Variants in SERPINF2 observed in about 807,000 individuals in gnomAD.
SERPINF2 encodes alpha-2-antiplasmin.
Under a neutral mutation model 45.0 loss-of-function variants are expected in SERPINF2, and 15 were observed. The ratio of observed to expected loss-of-function variants is 0.33; its 90% confidence interval spans 0.22 to 0.51. SERPINF2 has a LOEUF of 0.51. SERPINF2 is among the 20% of genes least tolerant of loss of function. The pLI, the probability that SERPINF2 is intolerant of heterozygous loss-of-function variation, is 0.97. For missense variants in SERPINF2, 518 were observed against 637.4 expected (o/e 0.81, Z 2.02); for synonymous variants, 283 against 277.9 (o/e 1.02, Z -0.18).
chr17:1,748,299 G>A (rs1450880944), intron 7 of SERPINF2, among the ~76,000 whole-genome samples: 2 of 112,244 alleles, frequency 1.8e-5, no homozygotes, highest in Admixed American at 8.9e-5. Flanking sequence ...GCGAGACTCC[G>A]TCTAAAAAAA....
chr17:1,743,090 C>T lies in SERPINF2; in HGVS notation c.-5+182C>T, dbSNP rs1905438696. On this transcript the variant is annotated intron_variant, in intron 1 of 9. Transcript: ENST00000453066. ...TCTAATGCCCAGGTCGGAGTCGGGG[C>T]CCTGGCCAAGGGCTCTTGTGTGGGA... 4 of 985,274 alleles carry T rather than the reference C, an allele frequency of 4.1e-6. No homozygotes were observed. The South Asian group carries it at 1.9e-4, about 46-fold the overall frequency. 61.0% of individuals were successfully genotyped at this position (985,274 alleles called of 1,614,324 possible). A position where few individuals can be genotyped will look rare whatever the true frequency, so the allele number is the denominator to read the frequency against.
chr17:1,745,798 A>G lies in SERPINF2; in HGVS notation c.256A>G (p.Met86Val). ...PEQTHRLARA[M>V]MAFTADLFSL... ...GCAGACCCACAGGCTGGCCCGGGCC[A>G]TGATGGCCTTCACTGCCGACCTGTT... The change falls in exon 5 of 10, where the codon ATG becomes GTG. Residue 86 changes from methionine (M) to valine (V), a missense_variant. By Grantham distance (21) the Met-to-Val change is conservative. Coordinates refer to ENST00000453066, the MANE Select transcript of SERPINF2 (RefSeq NM_000934.4). This position sits in a 1 kb window ranked among gnomAD's most constrained non-coding sequence, Gnocchi z 6.2. 1.9e-6 allele frequency: 3 copies of G among 1,613,996 alleles called. No individual in the cohort carries two copies. The highest frequency in any genetic ancestry group is 1.7e-5 in the Admixed American group (1 of 60,022).
intron 5 of SERPINF2, among the ~76,000 whole-genome samples, chr17:1,746,162 A>T (rs1308994501): frequency 6.6e-6 from 1 of 152,018 alleles, no homozygotes; most frequent in Non-Finnish European, 1.5e-5. Context: ...CTAAAAATAC[A>T]AAAAATTTAG....
chr17:1,744,528 T>G, intron 1 of SERPINF2: 1 of 983,848 alleles, frequency 1.0e-6, no homozygotes, highest in Non-Finnish European at 1.2e-6. Context: ...AAAAAGACGG[T>G]CTTATTTTGG....
At position 1,754,605 on chromosome 17, in the gene SERPINF2, G is replaced by A. The variant is rs1057355; in HGVS notation, c.*71G>A. ...TCCACTCATGTGACTCTTTCCAACC[G>A]GCTTTGTGGCACTGGGGCAGGGGCC... is the stretch of plus-strand genomic sequence containing the variant. On this transcript the variant is annotated 3_prime_UTR_variant, in exon 10 of 10. Transcript: ENST00000453066. The A allele has an allele frequency of 3.2e-6, 5 of 1,556,128 alleles. No homozygotes were observed. The Admixed American group carries it at 5.7e-5, about 18-fold the overall frequency.
At chr17:1,749,244 T>C (rs1334007450) in intron 8 of SERPINF2, among the ~76,000 whole-genome samples, 1 of 152,040 alleles carries the variant, frequency 6.6e-6, no homozygotes, top group Non-Finnish European at 1.5e-5. Flanking sequence ...TGGCCAAGAT[T>C]TGAAACCCCG....
chr17:1,743,322 G>A (rs1424268945), intron 1 of SERPINF2, among the ~76,000 whole-genome samples: 1 of 152,220 alleles, frequency 6.6e-6, no homozygotes, highest in African/African-American at 2.4e-5. Flanking sequence ...TCTGCTGCTG[G>A]GTCAAAAGGC....
Position 1,748,622 on chromosome 17 carries a change from C to G in SERPINF2, c.740C>G (p.Pro247Arg). The G allele has an allele frequency of 6.2e-7, 1 of 1,614,024 alleles. No homozygotes were observed. The highest frequency in any genetic ancestry group is 8.5e-7 in the Non-Finnish European group (1 of 1,180,056). The change falls in exon 8 of 10, where the codon CCG (proline) becomes CGG (arginine). Residue 247 changes from proline to arginine, a missense_variant. Pro to Arg is a moderately radical substitution (Grantham distance 103). This residue lies in a region of SERPINF2 where 435 missense variants were observed against 577.3 expected (regional missense o/e 0.75). Transcript: ENST00000453066. ...FQGFWRNKFD[P>R]SLTQRDSFHL... is the part of the protein sequence containing the mutation. ...GGTTTCTGGAGGAACAAGTTTGACC[C>G]GAGCCTTACCCAGAGAGACTCCTTC... is the stretch of plus-strand genomic sequence containing the variant.
chr17:1,747,701 A>C (rs1288305790), intron 7 of SERPINF2, among the ~76,000 whole-genome samples, 189 bp downstream of exon 7: 2 of 152,168 alleles, frequency 1.3e-5, no homozygotes, highest in African/African-American at 2.4e-5. Context: ...AGTAGCTGGG[A>C]TTACAGGCAT....
chr17:1,754,431 A>G lies in SERPINF2; in HGVS notation c.1373A>G (p.Gln458Arg), dbSNP rs776681200. ...TCCCCGGGCAACAAGGACTTCCTCCAGAGCCTGAAAGGCTTCCCCCGCGGA... is the reference window on the plus strand; with the variant it reads ...TCCCCGGGCAACAAGGACTTCCTCCGGAGCCTGAAAGGCTTCCCCCGCGGA... ...QDSPGNKDFLQSLKGFPRGDK... is the reference protein window; with the variant it reads ...QDSPGNKDFLRSLKGFPRGDK... Residue 458 changes from glutamine (Q) to arginine (R), a missense_variant, in exon 10 of 10, where the codon CAG (glutamine) becomes CGG (arginine). By Grantham distance (43) the Gln-to-Arg change is conservative. Coordinates refer to ENST00000453066, the MANE Select transcript of SERPINF2 (RefSeq NM_000934.4). 8 of 1,611,964 alleles carry G rather than the reference A, an allele frequency of 5.0e-6. No individual in the cohort carries two copies. The African/African-American group carries it at 1.1e-4, about 22-fold the overall frequency.
At position 1,743,266 on chromosome 17, in the gene SERPINF2, T is replaced by G. The variant is rs77513353; in HGVS notation, c.-5+358T>G. 8.4e-3 allele frequency among the ~76,000 whole-genome samples: 1,281 copies of G among 152,360 alleles called. 8 individuals carry two copies. The highest frequency in any genetic ancestry group is 0.013 in the Non-Finnish European group (854 of 68,026). Reference sequence around the variant, plus strand: ...GCCAGCCTGGAGCAGAGGCCTGTGATGCTCCTAAGTGCAGAGGTGGCTCTG... The same window carrying G: ...GCCAGCCTGGAGCAGAGGCCTGTGAGGCTCCTAAGTGCAGAGGTGGCTCTG... On this transcript the variant is annotated intron_variant, in intron 1 of 9. Coordinates refer to ENST00000453066, the MANE Select transcript of SERPINF2 (RefSeq NM_000934.4).
chr17:1,751,424 G>A (rs1906387092), intron 8 of SERPINF2, among the ~76,000 whole-genome samples: 1 of 95,972 alleles, frequency 1.0e-5, no homozygotes, highest in African/African-American at 2.8e-5. Flanking sequence ...ACTCCAGCCT[G>A]GACAATAAGA....
intron 9 of SERPINF2, among the ~76,000 whole-genome samples, chr17:1,753,399 A>G (rs139415421): frequency 2.1e-3 from 324 of 152,230 alleles, no homozygotes; most frequent in Non-Finnish European, 3.2e-3. Context: ...CAAAAATAAA[A>G]ATAAAGGCCG....
At chr17:1,749,776 T>C (rs776567566) in intron 8 of SERPINF2, among the ~76,000 whole-genome samples, 2 of 152,030 alleles carry the variant, frequency 1.3e-5, no homozygotes, top group Non-Finnish European at 2.9e-5. Flanking sequence ...GTGACCGTTG[T>C]TGATAAGGGT....
chr17:1,748,272 C>G (rs1906040340), intron 7 of SERPINF2, among the ~76,000 whole-genome samples: 1 of 150,524 alleles, frequency 6.6e-6, no homozygotes. Context: ...CCACTGCACT[C>G]CAGCCTGGGC....
rs867715411 is a variant in SERPINF2 at position 1,748,541 on chromosome 17, C to A, written c.716-57C>A. 62 of 1,600,886 alleles carry A rather than the reference C, an allele frequency of 3.9e-5. No homozygotes were observed. The African/African-American group carries it at 5.9e-4, about 15-fold the overall frequency. On this transcript the variant is annotated intron_variant, in intron 7 of 9. Transcript: ENST00000453066. ...CTGGTCCCCATCGACGTGACCCCTG[C>A]CCTCTGCCCCAAGCTGGTCCCCGTC...
Position 1,745,162 on chromosome 17 carries a change from C to G in SERPINF2, c.64-13C>G. ...TCCGAGGGGACCTCCTATCCTCATCCCTTTCTCCACAGTTCTCCCCTGTGA... is the reference window on the plus strand; with the variant it reads ...TCCGAGGGGACCTCCTATCCTCATCGCTTTCTCCACAGTTCTCCCCTGTGA... On this transcript the variant is annotated splice_polypyrimidine_tract_variant and intron_variant, in intron 2 of 9. Transcript: ENST00000453066. This position sits in a 1 kb window ranked among gnomAD's most constrained non-coding sequence, Gnocchi z 6.2. The G allele has an allele frequency of 6.3e-7, 1 of 1,576,262 alleles. No homozygotes were observed. The highest frequency in any genetic ancestry group is 8.6e-7 in the Non-Finnish European group (1 of 1,161,344).
At chr17:1,750,139 A>G (rs1163449653) in intron 8 of SERPINF2, among the ~76,000 whole-genome samples, 1 of 151,140 alleles carries the variant, frequency 6.6e-6, no homozygotes, top group African/African-American at 2.4e-5. Context: ...ACGCCTGGCT[A>G]ATTTTGTTCG....
At chr17:1,747,650 C>T (rs564643549) in intron 7 of SERPINF2, 138 bp downstream of exon 7, 28 of 926,880 alleles carry the variant, frequency 3.0e-5, no homozygotes, top group South Asian at 2.2e-4. Context: ...CTGCAACCTC[C>T]GCCTCCCGGA....
Sources: gnomAD v4.1 joint callset for allele counts (sites outside exome capture counted in the v4.1 genomes callset) on GRCh38, gnomAD v4.1.1 for gene constraint, gnomAD v4.1.1 regional missense constraint, Gnocchi (gnomAD v3.1) non-coding constraint, MANE v1.5 for transcripts, NCBI Gene and HGNC (gene_info 2026-07-23, HGNC 2026-07-21) for gene names.